DLGAP3: variants seen among roughly 807,000 people sequenced by gnomAD.
DLGAP3 encodes the protein DLG associated protein 3.
Under a neutral mutation model 81.2 loss-of-function variants are expected in DLGAP3, and 17 were observed. The ratio of observed to expected loss-of-function variants is 0.21; its 90% CI spans 0.14 to 0.31. The LOEUF (loss-of-function observed/expected upper bound fraction) is 0.31, where lower values mean the gene tolerates loss of function less well. Ranked by LOEUF, DLGAP3 falls within the 10% of genes least tolerant of loss-of-function variation. The probability of loss-of-function intolerance (pLI) is 1.00; values close to 1 mark genes in which losing one functional copy is unlikely to be tolerated. For synonymous variants in DLGAP3, 577 were observed against 587.4 expected (o/e 0.98, Z 0.26); for missense variants, 1,124 against 1,388.0 (o/e 0.81, Z 3.02).
chr1:34,882,755 A>G (rs890659212), intron 8 of DLGAP3, among the ~76,000 whole-genome samples: 3 of 152,120 alleles, frequency 2.0e-5, no homozygotes, highest in African/African-American at 7.2e-5. Flanking sequence ...TAACCTTTAC[A>G]TGGCTACTCA....
At chr1:34,914,346 G>GTGCTGCCT (rs1639685305) in intron 1 of DLGAP3, among the ~76,000 whole-genome samples, 1 of 152,204 alleles carries the variant, frequency 6.6e-6, no homozygotes, top group South Asian at 2.1e-4. Context: ...TTCTTAGGCT[G>GTGCTGCCT]TGCTGCCTTA....
chr1:34,925,206 T>C (rs1450562869), intron 1 of DLGAP3, among the ~76,000 whole-genome samples: 1 of 147,442 alleles, frequency 6.8e-6, no homozygotes, highest in African/African-American at 2.5e-5. Context: ...CTTCCCTCTA[T>C]GTCCCAAGAG....
chr1:34,894,978 TG>T (rs1477393920), intron 5 of DLGAP3, among the ~76,000 whole-genome samples: 1 of 152,232 alleles, frequency 6.6e-6, no homozygotes, highest in African/African-American at 2.4e-5. Context: ...TCAATTCACT[TG>T]ATTTCATTAT....
Position 34,905,353 on chromosome 1 carries a change from G to T in DLGAP3, c.31C>A (p.His11Asn). 2.6e-6 allele frequency: 4 copies of T among 1,555,772 alleles called. No homozygotes were observed. The highest frequency in any genetic ancestry group is 3.5e-6 in the Non-Finnish European group (4 of 1,149,620). Residue 11 changes from histidine to asparagine, a missense_variant, in exon 3 of 12, where the codon CAT (histidine) becomes AAT (asparagine). Around this residue, in one of 9 missense-constraint regions of DLGAP3, gnomAD observed 167 missense variants for 172.1 expected, o/e 0.97. Transcript: ENST00000373347. ...TCAGCAAAGCGGGCTGGGCGGGGATGGCTGCCTCGGTCGCCATGGTAACCC... is the reference window on the plus strand; with the variant it reads ...TCAGCAAAGCGGGCTGGGCGGGGATTGCTGCCTCGGTCGCCATGGTAACCC... MRGYHGDRGS[H>N]PRPARFADQQ...
chr1:34,871,191 T>C (rs917194412), intron 8 of DLGAP3, among the ~76,000 whole-genome samples: 3 of 152,150 alleles, frequency 2.0e-5, no homozygotes, highest in Non-Finnish European at 4.4e-5. Context: ...AAGTTCAGAC[T>C]TCCTGTACCA....
At chr1:34,920,022 G>A (rs761784258) in intron 1 of DLGAP3, among the ~76,000 whole-genome samples, 5 of 152,170 alleles carry the variant, frequency 3.3e-5, no homozygotes, top group Non-Finnish European at 5.9e-5. Context: ...GTTGGGGCCA[G>A]GCATTAGAAG....
intron 5 of DLGAP3, among the ~76,000 whole-genome samples, chr1:34,899,193 C>T (rs963422775): frequency 1.3e-5 from 2 of 151,950 alleles, no homozygotes; most frequent in East Asian, 1.9e-4. Flanking sequence ...CTCAGCCTCC[C>T]GAGTAGCTGG....
chr1:34,914,582 A>G (rs1365492396), intron 1 of DLGAP3, among the ~76,000 whole-genome samples: 1 of 152,234 alleles, frequency 6.6e-6, no homozygotes, highest in Non-Finnish European at 1.5e-5. Context: ...TGTGGCCTCA[A>G]GGAAGCCTGT....
chr1:34,923,910 T>G (rs1016202836), intron 1 of DLGAP3, among the ~76,000 whole-genome samples: 2 of 152,090 alleles, frequency 1.3e-5, no homozygotes, highest in Non-Finnish European at 2.9e-5. Flanking sequence ...CACACCCAAT[T>G]TTTGCCCAGT....
chr1:34,899,998 A>T, intron 4 of DLGAP3, 70 bp downstream of exon 4: 1 of 1,366,212 alleles, frequency 7.3e-7, no homozygotes, highest in Non-Finnish European at 1.0e-6. Context: ...CACCCACTCT[A>T]CACACATCTC....
Position 34,904,020 on chromosome 1 carries a change from C to A in DLGAP3, c.1107+257G>T, listed in dbSNP as rs1639502910. Among the ~76,000 whole-genome samples, 1 of 152,142 alleles carries A rather than the reference C, an allele frequency of 6.6e-6. No homozygotes were observed. Among genetic ancestry groups the A allele is most frequent in the Admixed American group, 6.5e-5 (1 of 15,284 alleles). ...GAAGACAGATATCAGCACAGCCTGT[C>A]CAAAACAGTAGGTCAAGGGAAAATC... On this transcript the variant is annotated intron_variant, in intron 3 of 11. Transcript: ENST00000373347. This position sits in a 1 kb window ranked among gnomAD's most constrained non-coding sequence, Gnocchi z 8.1.
chr1:34,882,903 T>G (rs960703709), intron 8 of DLGAP3, among the ~76,000 whole-genome samples: 1 of 152,164 alleles, frequency 6.6e-6, no homozygotes, highest in African/African-American at 2.4e-5. Context: ...CAGTTCCCGA[T>G]GCATGTCAAA....
rs185580342 is a variant in DLGAP3 at position 34,885,576 on chromosome 1, G to T, written c.1816C>A (p.Pro606Thr). The T allele has an allele frequency of 1.1e-3, 1,823 of 1,602,446 alleles. 19 individuals are homozygous for T. In the African/African-American group the frequency reaches 0.013, roughly 12 times the overall value. The change falls in exon 7 of 12, where the codon CCC (proline) becomes ACC (threonine). Residue 606 changes from proline (P) to threonine (T), a missense_variant. By Grantham distance (38) the Pro-to-Thr change is conservative. Coordinates refer to ENST00000373347, the MANE Select transcript of DLGAP3 (RefSeq NM_001080418.3). ...ELAPVPPRAS[P>T]KPPTLIIKTI... The stretch of plus-strand genomic sequence containing the variant: ...TTGATGATGAGTGTGGGGGGCTTGG[G>T]GCTGGCCCGGGGCGGCACCGGCGCC...
intron 5 of DLGAP3, among the ~76,000 whole-genome samples, chr1:34,886,976 A>C: frequency 1.2e-5 from 1 of 86,826 alleles, no homozygotes; most frequent in Non-Finnish European, 2.1e-5. Flanking sequence ...TTTTTTTGAG[A>C]CAGAGTCTCG....
chr1:34,921,714 T>C (rs12078977), intron 1 of DLGAP3, among the ~76,000 whole-genome samples: 9,866 of 152,336 alleles, frequency 0.065, 466 homozygotes, highest in East Asian at 0.15. Flanking sequence ...TTGCAGGCTA[T>C]TGTTAACCCA....
intron 1 of DLGAP3, among the ~76,000 whole-genome samples, chr1:34,923,506 G>A (rs552554089): frequency 1.3e-5 from 2 of 152,282 alleles, no homozygotes; most frequent in East Asian, 3.9e-4. Flanking sequence ...CAGTGGATCA[G>A]GAAGAGCAGG....
intron 1 of DLGAP3, 125 bp from the exon 2 acceptor site, chr1:34,907,562 C>T (rs1639574019): frequency 6.6e-6 from 1 of 152,616 alleles, no homozygotes; most frequent in Non-Finnish European, 1.5e-5. Flanking sequence ...TGATTGGATC[C>T]CCCATGATGC....
At chr1:34,897,504 A>T (rs1569633521) in intron 5 of DLGAP3, among the ~76,000 whole-genome samples, 1 of 152,038 alleles carries the variant, frequency 6.6e-6, no homozygotes, top group Admixed American at 6.5e-5. Flanking sequence ...GTGTGGCTGG[A>T]GTGGGAGGGA....
chr1:34,885,765 G>C lies in DLGAP3; in HGVS notation c.1627C>G (p.Pro543Ala). The C allele has an allele frequency of 2.1e-6, 3 of 1,410,938 alleles. No homozygotes were observed. Among genetic ancestry groups the C allele is most frequent in the African/African-American group, 1.5e-5 (1 of 67,164 alleles). 87.4% of individuals were successfully genotyped at this position (1,410,938 alleles called of 1,614,324 possible). A position where few individuals can be genotyped will look rare whatever the true frequency, so the allele number is the denominator to read the frequency against. ...SSFNFRKAPP[P>A]IPPGSQAPPR... The stretch of plus-strand genomic sequence containing the variant: ...GGGGCCTGGCTTCCCGGCGGGATGG[G>C]GGGCGGGGCCTTTCTGAAGTTGAAG... Residue 543 changes from proline (P) to alanine (A), a missense_variant, in exon 7 of 12, where the codon CCC becomes GCC. Coordinates refer to ENST00000373347, the MANE Select transcript of DLGAP3 (RefSeq NM_001080418.3).
Sources: allele counts gnomAD v4.1 joint callset (sites outside exome capture counted in the v4.1 genomes callset), GRCh38; gene constraint gnomAD v4.1.1; regional missense constraint gnomAD v4.1.1; non-coding constraint Gnocchi (gnomAD v3.1); transcripts MANE v1.5; gene names NCBI Gene and HGNC (gene_info 2026-07-23, HGNC 2026-07-21).